The following C2orf76 variants were observed in gnomAD, a reference collection of about 807,000 sequenced individuals.
The protein encoded by C2orf76 is UPF0538 protein C2orf76.
A neutral mutation model predicts 16.9 loss-of-function variants in C2orf76; 23 were observed. The observed-to-expected ratio is 1.36, with a 90% CI of 0.98 to 1.93. The LOEUF (loss-of-function observed/expected upper bound fraction) is 1.93. Ranked by LOEUF, C2orf76 falls within the 30% of genes most tolerant of loss-of-function variation. The pLI is 0.00. For missense variants in C2orf76, 152 were observed against 152.6 expected, an observed-to-expected ratio of 1.00 and a Z score of 0.02; for synonymous variants, 48 against 52.3, an observed-to-expected ratio of 0.92 and a Z score of 0.35.
At chr2:119,366,696 C>T in intron 1 of C2orf76, 94 bp downstream of exon 1, 1 of 488,908 alleles carries the variant, frequency 2.0e-6, no homozygotes, top group Non-Finnish European at 3.7e-6. Flanking sequence ...CTCCCCTTCC[C>T]CCGCGTGCCG....
At chr2:119,338,158 A>G (rs13016505) in intron 2 of C2orf76, among the ~76,000 whole-genome samples, 68,025 of 152,106 alleles carry the variant, frequency 0.45, 15,476 homozygotes, top group Non-Finnish European at 0.49. Context: ...AGTGCCCCCC[A>G]AAATATGCCT....
At chr2:119,331,458 G>A (rs946929609) in intron 2 of C2orf76, among the ~76,000 whole-genome samples, 4 of 152,162 alleles carry the variant, frequency 2.6e-5, no homozygotes, top group African/African-American at 9.7e-5. Flanking sequence ...TTACTTGCTT[G>A]CACTGATCCA....
intron 1 of C2orf76, among the ~76,000 whole-genome samples, chr2:119,357,501 T>C (rs13031771): frequency 0.24 from 35,740 of 150,634 alleles, 4,559 homozygotes; most frequent in Middle Eastern, 0.31. Flanking sequence ...CAAACTTCAA[T>C]GGAGACTCAA....
chr2:119,290,638 C>T, the C2orf76 span, among the ~76,000 whole-genome samples: 1 of 151,834 alleles, frequency 6.6e-6, no homozygotes, highest in Non-Finnish European at 1.5e-5. Context: ...GAGACCAACC[C>T]GGCCAACATG....
intron 5 of C2orf76, 124 bp downstream of exon 5, chr2:119,311,498 G>A (rs916266528): frequency 2.5e-5 from 36 of 1,448,052 alleles, no homozygotes; most frequent in Middle Eastern, 5.0e-4. Context: ...AACAGTTACC[G>A]GGCAGTGTCA....
chr2:119,316,025 C>T (rs1679161153), intron 4 of C2orf76, among the ~76,000 whole-genome samples: 1 of 152,166 alleles, frequency 6.6e-6, no homozygotes, highest in Admixed American at 6.5e-5. Context: ...GAACATGCAG[C>T]AATGAATGGA....
downstream of C2orf76, among the ~76,000 whole-genome samples, chr2:119,301,079 ACAC>A (rs2104526090): frequency 7.7e-6 from 1 of 129,372 alleles, no homozygotes; most frequent in Non-Finnish European, 1.6e-5. Context: ...TCTTAAAAAC[ACAC>A]ACACACACAC....
downstream of C2orf76, among the ~76,000 whole-genome samples, chr2:119,299,390 A>C (rs6727440): frequency 6.6e-6 from 1 of 152,142 alleles, no homozygotes; most frequent in Non-Finnish European, 1.5e-5. Flanking sequence ...TAAACATAAT[A>C]TTTTTTCTCC....
At chr2:119,340,591 A>G (rs1679994261) in intron 1 of C2orf76, among the ~76,000 whole-genome samples, 1 of 152,146 alleles carries the variant, frequency 6.6e-6, no homozygotes, top group African/African-American at 2.4e-5. Context: ...CAAAACATGA[A>G]GCATTTTGCC....
chr2:119,291,698 T>C, the C2orf76 span, among the ~76,000 whole-genome samples: 1 of 152,016 alleles, frequency 6.6e-6, no homozygotes, highest in Non-Finnish European at 1.5e-5. Flanking sequence ...CACCCCTGCC[T>C]TGTAGGAAGA....
intron 2 of C2orf76, among the ~76,000 whole-genome samples, chr2:119,332,648 C>T (rs1322004670): frequency 6.6e-6 from 1 of 152,096 alleles, no homozygotes; most frequent in Non-Finnish European, 1.5e-5. Context: ...TAGAAGAAAC[C>T]ACCTGCCATC....
downstream of C2orf76, among the ~76,000 whole-genome samples, chr2:119,301,638 G>A (rs114057842): frequency 0.01 from 1,582 of 152,288 alleles, 24 homozygotes; most frequent in African/African-American, 0.035. Flanking sequence ...AATGCAGCCT[G>A]ACTGAAAGGC....
At chr2:119,344,447 G>A (rs1680135991) in intron 1 of C2orf76, among the ~76,000 whole-genome samples, 1 of 152,072 alleles carries the variant, frequency 6.6e-6, no homozygotes, top group African/African-American at 2.4e-5. Context: ...AATATTCAAG[G>A]ATATAAAAGA....
intron 2 of C2orf76, among the ~76,000 whole-genome samples, chr2:119,331,745 A>G (rs2104586349): frequency 6.6e-6 from 1 of 152,262 alleles, no homozygotes; most frequent in South Asian, 2.1e-4. Context: ...TTTATATATT[A>G]TACATAGTTT....
intron 5 of C2orf76, among the ~76,000 whole-genome samples, chr2:119,310,876 AAAAT>A: frequency 6.6e-6 from 1 of 152,284 alleles, no homozygotes; most frequent in South Asian, 2.1e-4. Flanking sequence ...TCTGTCTCAA[AAAAT>A]AAATAAATTA....
intron 2 of C2orf76, among the ~76,000 whole-genome samples, chr2:119,323,718 T>G (rs189064998): frequency 6.6e-6 from 1 of 152,108 alleles, no homozygotes; most frequent in Admixed American, 6.5e-5. Flanking sequence ...AACAGGTAAG[T>G]GAAGCAGGTC....
chr2:119,301,525 C>A, downstream of C2orf76, among the ~76,000 whole-genome samples: 1 of 151,920 alleles, frequency 6.6e-6, no homozygotes, highest in Non-Finnish European at 1.5e-5. Context: ...GCAGAGCTGG[C>A]TAAGCTCTCC....
Position 119,339,924 on chromosome 2 carries a change from G to A in C2orf76, c.36C>T (p.Leu12=). 6.2e-7 allele frequency: 1 copy of A among 1,612,990 alleles called. No individual in the cohort carries two copies. Among genetic ancestry groups the A allele is most frequent in the Non-Finnish European group, 8.5e-7 (1 of 1,178,990 alleles). ...APGEVTITVR[L]IRSFEHRNFK... ...AATTGCGATGTTCAAAGGAACGGAT[G>A]AGGCGAACTGTGATGGTCACTTCTC... The change falls in exon 2 of 6, where the codon CTC becomes CTT. Residue 12 remains leucine, a synonymous_variant. Transcript: ENST00000334816.
At chr2:119,301,105 A>ACACACACACACAC (rs1553444732), downstream of C2orf76, among the ~76,000 whole-genome samples, 1 of 135,832 alleles carries the variant, frequency 7.4e-6, no homozygotes, top group African/African-American at 3.2e-5. Flanking sequence ...ACACACACAC[A>ACACACACACACAC]ACTAATTTCT....
Sources: gnomAD v4.1 joint callset for allele counts (sites outside exome capture counted in the v4.1 genomes callset) on GRCh38, gnomAD v4.1.1 for gene constraint, MANE v1.5 for transcripts, NCBI Gene and HGNC (gene_info 2026-07-23, HGNC 2026-07-21) for gene names.